SEMA3E: variants seen among roughly 807,000 people sequenced by gnomAD.
SEMA3E encodes the protein semaphorin 3E.
In SEMA3E, 49 loss-of-function variants were observed where a neutral mutation model predicts 93.6. The ratio of observed to expected loss-of-function variants is 0.52; its 90% CI spans 0.42 to 0.66. SEMA3E has a LOEUF of 0.66. Among genes scored for constraint, SEMA3E ranks in the 30% least tolerant of loss-of-function variants. The pLI is 0.00. For missense variants in SEMA3E, 906 were observed against 964.8 expected, an observed-to-expected ratio of 0.94 and a Z score of 0.81; for synonymous variants, 363 against 330.7, an observed-to-expected ratio of 1.10 and a Z score of -1.06.
chr7:83,606,689 C>T (rs979965845), intron 1 of SEMA3E, among the ~76,000 whole-genome samples: 8 of 145,208 alleles, frequency 5.5e-5, no homozygotes, highest in Non-Finnish European at 9.0e-5. Context: ...GTGCAGCACA[C>T]CAGCATGGCA....
chr7:83,401,341 T>C (rs1040667011), intron 10 of SEMA3E, among the ~76,000 whole-genome samples: 1 of 152,100 alleles, frequency 6.6e-6, no homozygotes, highest in Non-Finnish European at 1.5e-5. Flanking sequence ...AGTTTAGTAA[T>C]CAGATTCCAC....
intron 1 of SEMA3E, among the ~76,000 whole-genome samples, chr7:83,635,815 T>C (rs536502975): frequency 6.6e-6 from 1 of 151,670 alleles, no homozygotes; most frequent in Admixed American, 6.6e-5. Flanking sequence ...AGCTGTGCTT[T>C]TAAAATGATA....
chr7:83,464,244 C>T (rs1789702144), intron 4 of SEMA3E, among the ~76,000 whole-genome samples: 1 of 151,572 alleles, frequency 6.6e-6, no homozygotes, highest in Admixed American at 6.6e-5. Flanking sequence ...ATACTTTTAC[C>T]ACTTTCCCTT....
chr7:83,566,774 G>A (rs1792169388), intron 1 of SEMA3E, among the ~76,000 whole-genome samples: 1 of 152,028 alleles, frequency 6.6e-6, no homozygotes, highest in South Asian at 2.1e-4. Context: ...CACTGCCAGA[G>A]CAAACACACA....
At chr7:83,455,576 A>C (rs982475748) in intron 4 of SEMA3E, among the ~76,000 whole-genome samples, 1 of 152,228 alleles carries the variant, frequency 6.6e-6, no homozygotes, top group Non-Finnish European at 1.5e-5. Flanking sequence ...GCTGTACGAC[A>C]CGATCCCCTT....
intron 15 of SEMA3E, 131 bp downstream of exon 15, chr7:83,386,852 A>C (rs1312608046): frequency 2.4e-6 from 2 of 844,268 alleles, no homozygotes; most frequent in East Asian, 5.5e-5. Context: ...TGTCAGAGAA[A>C]AAGAATACTT....
chr7:83,556,432 T>C (rs1791890180), intron 1 of SEMA3E, among the ~76,000 whole-genome samples: 7 of 152,156 alleles, frequency 4.6e-5, no homozygotes. Context: ...TCATAATACA[T>C]TAGTGAACAA....
At chr7:83,636,990 G>C (rs1793893244) in intron 1 of SEMA3E, among the ~76,000 whole-genome samples, 1 of 151,718 alleles carries the variant, frequency 6.6e-6, no homozygotes, top group South Asian at 2.1e-4. Flanking sequence ...TAAGCTTCTT[G>C]AGAACTGGGT....
chr7:83,568,943 C>T (rs1203526175), intron 1 of SEMA3E, among the ~76,000 whole-genome samples: 2 of 152,150 alleles, frequency 1.3e-5, no homozygotes, highest in African/African-American at 4.8e-5. Flanking sequence ...TCACGTTATT[C>T]TTCTTTGCTG....
In SEMA3E at chr7:83,546,328, G is replaced by C. The variant is rs559370324; in HGVS notation, c.116-56054C>G. ...AGATGCATTATAATAAGGGGTGTGT[G>C]TGTGTGTGTGTGTGTGTGTGTGTGT... is the stretch of plus-strand genomic sequence containing the variant. On this transcript the variant is annotated intron_variant, in intron 1 of 16. Transcript: ENST00000643230. 2.1e-4 allele frequency among the ~76,000 whole-genome samples: 14 copies of C among 65,384 alleles called. No individual in the cohort carries two copies. In the African/African-American group the frequency reaches 2.4e-3, roughly 11 times the overall value. The allele number at this position is 65,384 out of a possible 152,430, so 42.9% of individuals were successfully genotyped here.
intron 4 of SEMA3E, among the ~76,000 whole-genome samples, chr7:83,443,198 C>T (rs886909639): frequency 1.7e-4 from 26 of 152,226 alleles, no homozygotes; most frequent in African/African-American, 6.0e-4. Flanking sequence ...TGTACAGGAC[C>T]TTTCTGACAT....
At chr7:83,477,864 A>G (rs1790049864) in intron 2 of SEMA3E, among the ~76,000 whole-genome samples, 1 of 152,120 alleles carries the variant, frequency 6.6e-6, no homozygotes, top group Non-Finnish European at 1.5e-5. Context: ...ATTTTTATAA[A>G]CAGAATTATC....
intron 3 of SEMA3E, among the ~76,000 whole-genome samples, chr7:83,466,847 T>C (rs1048849723): frequency 6.6e-6 from 1 of 152,138 alleles, no homozygotes; most frequent in Admixed American, 6.5e-5. Flanking sequence ...TCATTTTTCA[T>C]GTATTCTAGT....
chr7:83,454,272 A>AAAAAAAAAAAATATATAT (rs1257792756), intron 4 of SEMA3E, among the ~76,000 whole-genome samples: 4 of 110,134 alleles, frequency 3.6e-5, no homozygotes, highest in African/African-American at 1.7e-4. Flanking sequence ...AAAAAAAAAA[A>AAAAAAAAAAAATATATAT]ATATATATAT....
chr7:83,407,166 A>G lies in SEMA3E; in HGVS notation c.744T>C (p.Phe248=). ...TTTCTGCCTCCAGTGCCTTCTCAGT[A>G]AAAAAGAAATATACTTTGTTGTCAT... ...DRDDNKVYFF[F]TEKALEAENN... The change falls in exon 7 of 17, where the codon TTT becomes TTC. Residue 248 remains phenylalanine (F), a synonymous_variant. Transcript: ENST00000643230. The G allele has an allele frequency of 6.2e-7, 1 of 1,613,580 alleles. No individual in the cohort carries two copies. The highest frequency in any genetic ancestry group is 1.7e-4 in the Middle Eastern group (1 of 6,060).
At chr7:83,488,824 T>C (rs1270838872) in intron 2 of SEMA3E, among the ~76,000 whole-genome samples, 3 of 152,176 alleles carry the variant, frequency 2.0e-5, no homozygotes, top group East Asian at 1.9e-4. Flanking sequence ...TGTAAACTGA[T>C]GAAAACTGGT....
At chr7:83,591,150 A>AGTAAATGTTT (rs968488347) in intron 1 of SEMA3E, among the ~76,000 whole-genome samples, 3 of 151,260 alleles carry the variant, frequency 2.0e-5, no homozygotes, top group African/African-American at 7.3e-5. Flanking sequence ...GGAATAGATA[A>AGTAAATGTTT]GTAAATGTTT....
chr7:83,526,304 TA>T (rs1216997283), intron 1 of SEMA3E, among the ~76,000 whole-genome samples: 1 of 152,154 alleles, frequency 6.6e-6, no homozygotes, highest in Non-Finnish European at 1.5e-5. Context: ...TGATATTTAA[TA>T]TTTATTGTTT....
Position 83,519,232 on chromosome 7 carries a change from T to C in SEMA3E, c.116-28958A>G, listed in dbSNP as rs189911861. ...TGAGAATATGCGGTGTTTGGTTTTT[T>C]GTTCTTGCGATAGTTTACTGAGAAT... On this transcript the variant is annotated intron_variant, in intron 1 of 16. Coordinates refer to ENST00000643230, the MANE Select transcript of SEMA3E (RefSeq NM_012431.3). Among the ~76,000 whole-genome samples, 649 of 152,188 alleles carry C rather than the reference T, an allele frequency of 4.3e-3. 8 individuals carry two copies. The highest frequency in any genetic ancestry group is 0.015 in the African/African-American group (624 of 41,532).
Sources: allele counts gnomAD v4.1 joint callset (sites outside exome capture counted in the v4.1 genomes callset), GRCh38; gene constraint gnomAD v4.1.1; transcripts MANE v1.5; gene names NCBI Gene and HGNC (gene_info 2026-07-23, HGNC 2026-07-21).